Variants in KLHL15 observed in about 807,000 individuals in gnomAD.
KLHL15 encodes kelch like family member 15.
KLHL15 carries 1 observed loss-of-function variant against 29.3 expected under a neutral mutation model. That is an observed-to-expected ratio of 0.03 (90% CI 0.01 to 0.16). The LOEUF (loss-of-function observed/expected upper bound fraction) is 0.16. Among genes scored for constraint, KLHL15 ranks in the 10% least tolerant of loss-of-function variants. The pLI is 1.00. For synonymous variants in KLHL15, 212 were observed against 184.5 expected, an observed-to-expected ratio of 1.15 and a Z score of -1.21; for missense variants, 215 against 478.5, an observed-to-expected ratio of 0.45 and a Z score of 5.14.
In KLHL15 at chrX:23,984,045, A is replaced by T. The variant is rs2088834382; in HGVS notation, c.*3876T>A. 9.0e-6 allele frequency: 1 copy of T among 111,717 alleles called. No individual in the cohort carries two copies. Among genetic ancestry groups the T allele is most frequent in the Admixed American group, 9.6e-5 (1 of 10,420 alleles). The allele number at this position is 111,717 out of a possible 1,213,427, so 9.2% of individuals were successfully genotyped here. A position where few individuals can be genotyped will look rare whatever the true frequency, so the allele number is the denominator to read the frequency against. On this transcript the variant is annotated 3_prime_UTR_variant, in exon 4 of 4. Transcript: ENST00000328046. ...AGTTAGGTAGAAAATAACCTCTCCCAATCACCTCACTGGACCATTCCTTCA... is the reference window on the plus strand; with the variant it reads ...AGTTAGGTAGAAAATAACCTCTCCCTATCACCTCACTGGACCATTCCTTCA...
intron 2 of KLHL15, among the ~76,000 whole-genome samples, chrX:24,017,478 T>C (rs762822801): frequency 9.1e-6 from 1 of 110,355 alleles, no homozygotes; most frequent in Non-Finnish European, 1.9e-5. Context: ...TTTATCATAA[T>C]GCAGATTTAT....
intron 2 of KLHL15, among the ~76,000 whole-genome samples, chrX:24,015,707 G>A (rs1375266887): frequency 1.8e-5 from 2 of 112,637 alleles, no homozygotes; most frequent in African/African-American, 6.5e-5. Context: ...GCTCTAAAAT[G>A]TAAAATCTGG....
At chrX:24,002,143 G>GAATAAATA (rs200125047) in intron 3 of KLHL15, among the ~76,000 whole-genome samples, 2,332 of 107,662 alleles carry the variant, frequency 0.022, 62 homozygotes, top group African/African-American at 0.07. Flanking sequence ...AAAAGAAAAT[G>GAATAAATA]AATAAATAAA....
At chrX:24,017,119 G>C (rs866496886) in intron 2 of KLHL15, among the ~76,000 whole-genome samples, 2 of 108,291 alleles carry the variant, frequency 1.8e-5, no homozygotes, top group Non-Finnish European at 3.8e-5. Context: ...GACTGAGGCA[G>C]GAAGATTGCT....
intron 2 of KLHL15, among the ~76,000 whole-genome samples, chrX:24,019,062 G>T (rs765813252): frequency 9.0e-6 from 1 of 111,709 alleles, no homozygotes; most frequent in South Asian, 3.8e-4. Context: ...TTTTCTAGAG[G>T]TTTACACATG....
At chrX:24,011,011 T>G (rs1262113397) in intron 2 of KLHL15, among the ~76,000 whole-genome samples, 2 of 110,052 alleles carry the variant, frequency 1.8e-5, no homozygotes, top group African/African-American at 6.6e-5. Flanking sequence ...GGCATCTATG[T>G]ACACACTAAA....
At chrX:24,025,575 C>A (rs939829409) in intron 1 of KLHL15, among the ~76,000 whole-genome samples, 3 of 108,606 alleles carry the variant, frequency 2.8e-5, no homozygotes, top group South Asian at 3.8e-4. Flanking sequence ...AGGCCCCCCC[C>A]TCGGCCCCTG....
rs200893692 is a variant in KLHL15 at position 24,019,644 on chromosome X, A to AACAC, written c.-8+5209_-8+5212dup. ...ACTGAAAGTGTAAGAGATAAGTGAC[A>AACAC]ACACACACACACACACACACACGTG... On this transcript the variant is annotated intron_variant, in intron 2 of 3. Coordinates refer to ENST00000328046, the MANE Select transcript of KLHL15 (RefSeq NM_030624.3). Among the ~76,000 whole-genome samples the AACAC allele has an allele frequency of 8.9e-3, 956 of 107,160 alleles. 9 individuals are homozygous for AACAC. The highest frequency in any genetic ancestry group is 0.083 in the South Asian group (207 of 2,482). The allele number at this position is 107,160 out of a possible 115,157, so 93.1% of individuals were successfully genotyped here. A position where few individuals can be genotyped will look rare whatever the true frequency, so the allele number is the denominator to read the frequency against.
Position 24,005,960 on chromosome X carries a change from T to C in KLHL15, c.705+29A>G, listed in dbSNP as rs746025121. 5.8e-5 allele frequency: 63 copies of C among 1,092,280 alleles called. No homozygotes were observed. In the East Asian group the frequency reaches 1.2e-3, roughly 21 times the overall value. 90.0% of individuals were successfully genotyped at this position (1,092,280 alleles called of 1,213,427 possible). A position where few individuals can be genotyped will look rare whatever the true frequency, so the allele number is the denominator to read the frequency against. ...TACACTGCCTTAACTAAATGATGAG[T>C]ACTGTCTATTGCTTTCAAATGCACT... On this transcript the variant is annotated intron_variant, in intron 3 of 3. Coordinates refer to ENST00000328046, the MANE Select transcript of KLHL15 (RefSeq NM_030624.3).
intron 3 of KLHL15, among the ~76,000 whole-genome samples, chrX:24,003,181 G>A (rs749955524): frequency 8.9e-6 from 1 of 111,915 alleles, no homozygotes; most frequent in African/African-American, 3.2e-5. Flanking sequence ...AGTCTGGACA[G>A]TGCCACTTGG....
At chrX:24,016,363 A>G (rs1929683694) in intron 2 of KLHL15, among the ~76,000 whole-genome samples, 1 of 91,692 alleles carries the variant, frequency 1.1e-5, no homozygotes, top group Non-Finnish European at 2.0e-5. Context: ...AAAAAAAAAA[A>G]AAAAAGGGGG....
At chrX:24,000,813 T>C (rs766503397) in intron 3 of KLHL15, among the ~76,000 whole-genome samples, 21 of 112,568 alleles carry the variant, frequency 1.9e-4, no homozygotes, top group Middle Eastern at 4.2e-3. Context: ...ACAGTTTACA[T>C]AGATGTGGCT....
chrX:23,999,772 G>A (rs887444090), intron 3 of KLHL15, among the ~76,000 whole-genome samples: 3 of 111,795 alleles, frequency 2.7e-5, no homozygotes, highest in Admixed American at 1.9e-4. Context: ...AACCTGGAGT[G>A]AATGCGAGTC....
At chrX:23,999,142 C>T (rs186007016) in intron 3 of KLHL15, among the ~76,000 whole-genome samples, 4 of 110,521 alleles carry the variant, frequency 3.6e-5, no homozygotes, top group African/African-American at 1.3e-4. Flanking sequence ...CGCCTGACCT[C>T]AGGTGATCTG....
chrX:24,019,113 G>A (rs5925986), intron 2 of KLHL15, among the ~76,000 whole-genome samples: 47,177 of 111,183 alleles, frequency 0.42, 8,112 homozygotes, highest in South Asian at 0.77. Flanking sequence ...AAGCTGATGA[G>A]AAGCCCATTG....
intron 2 of KLHL15, among the ~76,000 whole-genome samples, chrX:24,015,770 G>A (rs1337872543): frequency 8.9e-6 from 1 of 112,211 alleles, no homozygotes; most frequent in Non-Finnish European, 1.9e-5. Flanking sequence ...AGGCCGAGGT[G>A]GGCAGATCAC....
At chrX:24,004,547 C>T (rs1929405419) in intron 3 of KLHL15, among the ~76,000 whole-genome samples, 1 of 111,275 alleles carries the variant, frequency 9.0e-6, no homozygotes, top group Non-Finnish European at 1.9e-5. Context: ...AATCCCAGCA[C>T]TTTGGGAGGC....
rs1929028737 is a variant in KLHL15 at position 23,988,889 on chromosome X, T to C, written c.847A>G (p.Thr283Ala). 3 of 1,211,873 alleles carry C rather than the reference T, an allele frequency of 2.5e-6. No homozygotes were observed. Among genetic ancestry groups the C allele is most frequent in the Admixed American group, 2.2e-5 (1 of 45,996 alleles). ...TGTCCAATCATTCCTCGAAATACTG[T>C]AGTTTGCGGTTTTGCAGAACGGATG... ...SRIRSAKPQT[T>A]VFRGMIGHSM... Residue 283 changes from threonine (T) to alanine (A), a missense_variant, in exon 4 of 4, where the codon ACA (threonine) becomes GCA (alanine). Transcript: ENST00000328046.
intron 2 of KLHL15, among the ~76,000 whole-genome samples, chrX:24,022,722 G>GTT (rs530143102): frequency 6.0e-5 from 6 of 99,752 alleles, no homozygotes; most frequent in Non-Finnish European, 8.2e-5. Context: ...CTGTTTCGCG[G>GTT]TTTTTTTTTT....
Sources: allele counts gnomAD v4.1 joint callset (sites outside exome capture counted in the v4.1 genomes callset), GRCh38; gene constraint gnomAD v4.1.1; transcripts MANE v1.5; gene names NCBI Gene and HGNC (gene_info 2026-07-23, HGNC 2026-07-21).